Variants in C5 observed in about 807,000 individuals in gnomAD.
The protein encoded by C5 is C3 and PZP-like alpha-2-macroglobulin domain-containing protein 4.
Under a neutral mutation model 218.8 loss-of-function variants are expected in C5, and 140 were observed. The observed-to-expected ratio is 0.64, with a 90% CI of 0.56 to 0.74. The LOEUF is 0.74. Among genes scored for constraint, C5 ranks in the 30% least tolerant of loss-of-function variants. The pLI is 0.00. For synonymous variants in C5, 614 were observed against 682.3 expected (o/e 0.90, Z 1.56); for missense variants, 1,700 against 1,969.6 (o/e 0.86, Z 2.59).
intron 22 of C5, among the ~76,000 whole-genome samples, chr9:120,993,822 T>C (rs1034749059): frequency 2.0e-5 from 3 of 152,138 alleles, no homozygotes; most frequent in Non-Finnish European, 4.4e-5. Context: ...GGTACATACA[T>C]ACAAAACAAC....
At chr9:121,023,370 T>A (rs1196713064) in intron 10 of C5, 34 bp downstream of exon 10, 1 of 1,225,128 alleles carries the variant, frequency 8.2e-7, no homozygotes, top group Non-Finnish European at 1.2e-6. Flanking sequence ...AAGATGATCA[T>A]ATGTAGCAAC....
the C5 span, among the ~76,000 whole-genome samples, chr9:121,060,633 C>G: frequency 2.0e-5 from 3 of 151,982 alleles, no homozygotes; most frequent in Non-Finnish European, 1.5e-5. Context: ...AAAATAACTG[C>G]CAAATCTCTC....
the C5 span, among the ~76,000 whole-genome samples, chr9:121,074,152 G>A: frequency 2.0e-5 from 3 of 152,122 alleles, no homozygotes; most frequent in African/African-American, 7.2e-5. Context: ...AGCCTCTGAT[G>A]GTAACATGGT....
At chr9:120,988,807 G>A (rs1441302512) in intron 25 of C5, among the ~76,000 whole-genome samples, 1 of 152,144 alleles carries the variant, frequency 6.6e-6, no homozygotes, top group African/African-American at 2.4e-5. Context: ...AATCCAGGTG[G>A]GAGAGGAAGG....
At chr9:121,026,663 C>T (rs2047426325) in intron 8 of C5, among the ~76,000 whole-genome samples, 1 of 152,074 alleles carries the variant, frequency 6.6e-6, no homozygotes, top group African/African-American at 2.4e-5. Flanking sequence ...TAAAAAATCA[C>T]CCCTAGTTGA....
the C5 span, among the ~76,000 whole-genome samples, chr9:121,070,004 A>G: frequency 1.3e-5 from 2 of 152,168 alleles, no homozygotes; most frequent in Non-Finnish European, 2.9e-5. Context: ...TGTTTATTGC[A>G]GCACTATTCA....
rs771361691 is a variant in C5 at position 121,020,111 on chromosome 9, G to A, written c.1371C>T (p.Tyr457=). The A allele has an allele frequency of 1.5e-5, 24 of 1,613,712 alleles. No homozygotes were observed. The South Asian group carries it at 2.5e-4, about 17-fold the overall frequency. ...QAREGYRAIA[Y]SSLSQSYLYI... Reference sequence around the variant, plus strand: ...AAAGGTAACTTTGGCTGAGAGATGAGTATGCTATTGCTCGGTAACCTTCCC... The same window carrying A: ...AAAGGTAACTTTGGCTGAGAGATGAATATGCTATTGCTCGGTAACCTTCCC... The change falls in exon 12 of 41, where the codon TAC becomes TAT. Residue 457 remains tyrosine (Y), a synonymous_variant. Coordinates refer to ENST00000223642, the MANE Select transcript of C5 (RefSeq NM_001735.3).
chr9:120,953,921 A>T (rs961430817), intron 39 of C5, 53 bp from the exon 40 acceptor site: 2 of 1,593,716 alleles, frequency 1.3e-6, no homozygotes, highest in African/African-American at 2.7e-5. Context: ...TTAATGTCAC[A>T]ATTATAAACT....
chr9:120,976,109 A>G (rs1347539808), intron 29 of C5, among the ~76,000 whole-genome samples: 1 of 152,232 alleles, frequency 6.6e-6, no homozygotes, highest in Non-Finnish European at 1.5e-5. Context: ...AATTACATAT[A>G]TATAAATATA....
chr9:120,997,293 T>C (rs905996279), intron 21 of C5, among the ~76,000 whole-genome samples: 2 of 152,210 alleles, frequency 1.3e-5, no homozygotes, highest in African/African-American at 4.8e-5. Flanking sequence ...TGATGATTTT[T>C]ATTTATCTGT....
At chr9:121,072,588 C>G in the C5 span, among the ~76,000 whole-genome samples, 1 of 152,060 alleles carries the variant, frequency 6.6e-6, no homozygotes, top group African/African-American at 2.4e-5. Context: ...GGGCGGATCA[C>G]GTGAGGTCAG....
chr9:121,021,309 T>C lies in C5; in HGVS notation c.1302+200A>G, dbSNP rs146256800. Among the ~76,000 whole-genome samples the C allele has an allele frequency of 3.7e-4, 56 of 152,276 alleles. No individual in the cohort carries two copies. In the East Asian group the frequency reaches 9.8e-3, roughly 27 times the overall value. On this transcript the variant is annotated intron_variant, in intron 11 of 40. Transcript: ENST00000223642. ...AAACAATTAACTCCCAAATAAAAAA[T>C]TGATACATTTATCTTCCTCAAGGAC...
intron 28 of C5, among the ~76,000 whole-genome samples, chr9:120,978,098 C>T (rs1389733940): frequency 1.3e-5 from 2 of 152,094 alleles, no homozygotes; most frequent in East Asian, 3.9e-4. Context: ...AAACCTAAAG[C>T]CTTAGTTCAG....
chr9:120,963,828 T>A (rs2046846450), intron 33 of C5, 90 bp from the exon 34 acceptor site: 3 of 938,250 alleles, frequency 3.2e-6, no homozygotes, highest in East Asian at 2.7e-5. Flanking sequence ...CCTTAATTTT[T>A]AAATTTGGGT....
chr9:120,989,774 A>T lies in C5; in HGVS notation c.2948T>A (p.Leu983His), dbSNP rs1258751437. 9.3e-6 allele frequency: 15 copies of T among 1,613,750 alleles called. No homozygotes were observed. Among genetic ancestry groups the T allele is most frequent in the Non-Finnish European group, 1.3e-5 (15 of 1,179,630 alleles). ...AACTGCAGACAAGATCTCACCTACA[A>T]GCAGTCCTGAAACAAAAAAGATCAA... ...IKRILSVKGL[L>H]VGEILSAVLS... Residue 983 changes from leucine to histidine, a missense_variant, in exon 24 of 41, where the codon CTT (leucine) becomes CAT (histidine). Leu to His is a moderately conservative substitution (Grantham distance 99). Transcript: ENST00000223642.
At chr9:120,967,067 C>T (rs1272044348) in intron 33 of C5, among the ~76,000 whole-genome samples, 2 of 151,900 alleles carry the variant, frequency 1.3e-5, no homozygotes, top group African/African-American at 4.8e-5. Context: ...CAAGACCAGC[C>T]TGGCCAACAT....
chr9:120,953,345 C>A (rs558475548), intron 40 of C5, among the ~76,000 whole-genome samples: 1 of 152,288 alleles, frequency 6.6e-6, no homozygotes, highest in Admixed American at 6.5e-5. Context: ...TGTAAAGCTG[C>A]CTGGGGCTCC....
chr9:120,987,214 T>G (rs986551576), intron 25 of C5, among the ~76,000 whole-genome samples: 1 of 152,100 alleles, frequency 6.6e-6, no homozygotes, highest in African/African-American at 2.4e-5. Flanking sequence ...AGGAAAGAAG[T>G]TAGGCCTTGA....
chr9:120,996,760 T>C (rs1308001106), intron 21 of C5, among the ~76,000 whole-genome samples: 1 of 152,128 alleles, frequency 6.6e-6, no homozygotes, highest in African/African-American at 2.4e-5. Context: ...TTGCACAAAA[T>C]AAGTCGGTAC....
Sources: gnomAD v4.1 joint callset for allele counts (sites outside exome capture counted in the v4.1 genomes callset) on GRCh38, gnomAD v4.1.1 for gene constraint, MANE v1.5 for transcripts, NCBI Gene and HGNC (gene_info 2026-07-23, HGNC 2026-07-21) for gene names.